The following AKAP12 variants were observed in gnomAD, a reference collection of about 807,000 sequenced individuals.
AKAP12 encodes A-kinase anchoring protein 12.
Under a neutral mutation model 79.9 loss-of-function variants are expected in AKAP12, and 32 were observed. That is an observed-to-expected ratio of 0.40 (90% CI 0.30 to 0.54). The LOEUF is 0.54. AKAP12 is among the 20% of genes least tolerant of loss of function. AKAP12 has a pLI of 0.48. For missense variants in AKAP12, 2,074 were observed against 2,177.0 expected, an observed-to-expected ratio of 0.95 and a Z score of 0.94; for synonymous variants, 808 against 857.0, an observed-to-expected ratio of 0.94 and a Z score of 1.00.
At chr6:151,323,790 GAGATTCATTCTGCTCTGCAAGGGC>G in intron 3 of AKAP12, 1 of 985,370 alleles carries the variant, frequency 1.0e-6, no homozygotes, top group African/African-American at 1.7e-5. Flanking sequence ...AGAGGAGCTG[GAGATTCATTCTGCTCTGCAAGGGC>G]AGACTCGATT....
intron 3 of AKAP12, among the ~76,000 whole-genome samples, chr6:151,336,147 TTTTC>T (rs1777808926): frequency 6.6e-6 from 1 of 152,226 alleles, no homozygotes; most frequent in East Asian, 1.9e-4. Context: ...ATGGACCACA[TTTTC>T]TTTATCCAGT....
At chr6:151,256,948 C>CTATATATA (rs57384016) in intron 2 of AKAP12, among the ~76,000 whole-genome samples, 38,274 of 145,566 alleles carry the variant, frequency 0.26, 5,452 homozygotes, top group East Asian at 0.49. Flanking sequence ...CGCGCCCGGC[C>CTATATATA]TATATATATA....
chr6:151,285,394 G>GTGTC (rs1776483772), intron 2 of AKAP12, among the ~76,000 whole-genome samples: 1 of 148,942 alleles, frequency 6.7e-6, no homozygotes, highest in African/African-American at 2.5e-5. Flanking sequence ...CTGTGTGTGT[G>GTGTC]TGTGTGTGTG....
intron 3 of AKAP12, among the ~76,000 whole-genome samples, chr6:151,335,336 A>G (rs1461281930): frequency 6.6e-6 from 1 of 152,202 alleles, no homozygotes; most frequent in Non-Finnish European, 1.5e-5. Flanking sequence ...AAAATATTAA[A>G]GTTTTTGTTA....
At chr6:151,348,405 G>A (rs1338662618) in intron 3 of AKAP12, 2 of 512,416 alleles carry the variant, frequency 3.9e-6, no homozygotes, top group Non-Finnish European at 7.6e-6. Context: ...TTGAGAAGCT[G>A]AGACAGGAGG....
chr6:151,244,038 A>G (rs1310037873), intron 2 of AKAP12, among the ~76,000 whole-genome samples: 2 of 152,108 alleles, frequency 1.3e-5, no homozygotes, highest in South Asian at 2.1e-4. Context: ...AATGATTTCA[A>G]TGCTGGACAT....
At chr6:151,304,583 TTTTG>T (rs1285727987) in intron 2 of AKAP12, among the ~76,000 whole-genome samples, 1 of 150,408 alleles carries the variant, frequency 6.6e-6, no homozygotes, top group African/African-American at 2.4e-5. Flanking sequence ...CATTTTTGTT[TTTTG>T]TTTTTCTCGC....
At chr6:151,241,350 G>A (rs1174926378) in intron 2 of AKAP12, among the ~76,000 whole-genome samples, 1 of 152,252 alleles carries the variant, frequency 6.6e-6, no homozygotes, top group Non-Finnish European at 1.5e-5. Context: ...ACCTGGGCAG[G>A]CGCTGCGTTT....
In AKAP12 at chr6:151,324,897, A is replaced by G. The variant is rs1363257134; in HGVS notation, c.319+18994A>G. ...GCCTGAAATCTTCTGAACTTTTAAC[A>G]TAGGCTTTGATTTCCGAGTTGTGTG... On this transcript the variant is annotated intron_variant, in intron 3 of 4. Coordinates refer to ENST00000402676, the MANE Select transcript of AKAP12 (RefSeq NM_005100.4). 4.1e-6 allele frequency: 4 copies of G among 985,332 alleles called. No homozygotes were observed. The East Asian group carries it at 3.4e-4, about 84-fold the overall frequency. 61.0% of individuals were successfully genotyped at this position (985,332 alleles called of 1,614,324 possible). A position where few individuals can be genotyped will look rare whatever the true frequency, so the allele number is the denominator to read the frequency against.
In AKAP12 at chr6:151,357,784, A is replaced by G. The variant is rs1778480208; in HGVS notation, c.*2070A>G. 1 of 151,344 alleles carries G rather than the reference A, an allele frequency of 6.6e-6. No homozygotes were observed. Among genetic ancestry groups the G allele is most frequent in the Admixed American group, 6.6e-5 (1 of 15,210 alleles). 9.4% of individuals were successfully genotyped at this position (151,344 alleles called of 1,614,324 possible). On this transcript the variant is annotated 3_prime_UTR_variant, in exon 5 of 5. Transcript: ENST00000402676. ...GGTTTCTAGTTCTGAACATCAACTA[A>G]AGAGTTTTGGAAATGACAGCAATTT...
intron 3 of AKAP12, 148 bp downstream of exon 3, chr6:151,306,051 A>T: frequency 1.2e-6 from 1 of 845,260 alleles, no homozygotes; most frequent in South Asian, 2.1e-5. Context: ...TATTTATCTG[A>T]CCATTTGGAT....
chr6:151,341,623 C>T, intron 3 of AKAP12: 1 of 951,114 alleles, frequency 1.1e-6, no homozygotes, highest in Non-Finnish European at 1.3e-6. Context: ...GCCTCACGGG[C>T]GGCTGTTGGG....
chr6:151,284,406 G>A (rs1237562857), intron 2 of AKAP12, among the ~76,000 whole-genome samples: 2 of 152,120 alleles, frequency 1.3e-5, no homozygotes, highest in African/African-American at 4.8e-5. Context: ...TGGAAGGATC[G>A]CTTGAGCCCA....
intron 2 of AKAP12, among the ~76,000 whole-genome samples, chr6:151,294,484 T>C (rs957346426): frequency 1.3e-5 from 2 of 152,222 alleles, no homozygotes; most frequent in East Asian, 1.9e-4. Flanking sequence ...CACAGGTTTT[T>C]CTTCCAGTTG....
rs1300624116 is a variant in AKAP12, at chr6:151,350,024, G to A, written c.1633G>A (p.Gly545Arg). 6.2e-7 allele frequency: 1 copy of A among 1,614,178 alleles called. No individual in the cohort carries two copies. The highest frequency in any genetic ancestry group is 8.5e-7 in the Non-Finnish European group (1 of 1,180,044). Residue 545 changes from glycine (G) to arginine (R), a missense_variant, in exon 4 of 5, where the codon GGG (glycine) becomes AGG (arginine). Gly to Arg is a moderately radical substitution (Grantham distance 125). This residue lies in a region of AKAP12 where 1,428 missense variants were observed against 1,451.0 expected (regional missense o/e 0.98). Transcript: ENST00000402676. The surrounding 1 kb of genome is among the most constrained non-coding windows in gnomAD (Gnocchi z 4.8). ...GKRGGGDEES[G>R]EHTQVPADSP... ...AAGAGGAGGAGGAGACGAGGAATCAGGGGAGCACACTCAGGTTCCAGCCGA... is the reference window on the plus strand; with the variant it reads ...AAGAGGAGGAGGAGACGAGGAATCAAGGGAGCACACTCAGGTTCCAGCCGA...
intron 2 of AKAP12, among the ~76,000 whole-genome samples, chr6:151,245,741 T>G (rs954242178): frequency 4.6e-5 from 7 of 152,184 alleles, no homozygotes; most frequent in Non-Finnish European, 1.0e-4. Context: ...CAATATTCAT[T>G]TAATGTTTAT....
intron 2 of AKAP12, among the ~76,000 whole-genome samples, chr6:151,294,852 G>A (rs1288293112): frequency 2.0e-5 from 3 of 152,204 alleles, no homozygotes; most frequent in South Asian, 2.1e-4. Context: ...GCATGCATCC[G>A]TGGTGTCTTT....
intron 2 of AKAP12, among the ~76,000 whole-genome samples, chr6:151,276,604 A>T (rs1776295095): frequency 6.6e-6 from 1 of 152,256 alleles, no homozygotes; most frequent in African/African-American, 2.4e-5. Flanking sequence ...CTGCAGAGCA[A>T]TCTCCCAGTG....
intron 2 of AKAP12, among the ~76,000 whole-genome samples, chr6:151,247,630 C>G (rs192040213): frequency 2.0e-5 from 3 of 152,256 alleles, no homozygotes; most frequent in Admixed American, 2.0e-4. Context: ...TTGGAACAAT[C>G]TAAAATCATT....
Sources: allele counts gnomAD v4.1 joint callset (sites outside exome capture counted in the v4.1 genomes callset), GRCh38; gene constraint gnomAD v4.1.1; regional missense constraint gnomAD v4.1.1; non-coding constraint Gnocchi (gnomAD v3.1); transcripts MANE v1.5; gene names NCBI Gene and HGNC (gene_info 2026-07-23, HGNC 2026-07-21).